Variants in ADARB2 observed in about 807,000 individuals in gnomAD.
The protein encoded by ADARB2 is inactive double-stranded RNA-specific editase B2.
A neutral mutation model predicts 62.2 loss-of-function variants in ADARB2; 25 were observed. That is an observed-to-expected ratio of 0.40 (90% CI 0.29 to 0.56). The LOEUF is 0.56. Ranked by LOEUF, ADARB2 falls within the 20% of genes least tolerant of loss-of-function variation. The pLI, the probability that ADARB2 is intolerant of heterozygous loss-of-function variation, is 0.43. For missense variants in ADARB2, 1,071 were observed against 1,077.4 expected (o/e 0.99, Z 0.08); for synonymous variants, 572 against 500.8 (o/e 1.14, Z -1.90).
rs372446925 is a variant in ADARB2 at position 1,563,858 on chromosome 10, C to T, written c.100+173193G>A. The stretch of plus-strand genomic sequence containing the variant: ...ATGTGTTCTCATTGTTCAATTCCTA[C>T]CTATGAGTGAGAATATGCGGTGTTT... On this transcript the variant is annotated intron_variant, in intron 1 of 9. Coordinates refer to ENST00000381312, the MANE Select transcript of ADARB2 (RefSeq NM_018702.4). Among the ~76,000 whole-genome samples, 9 of 145,362 alleles carry T rather than the reference C, an allele frequency of 6.2e-5. No homozygotes were observed. The East Asian group carries it at 1.4e-3, about 23-fold the overall frequency.
intron 1 of ADARB2, among the ~76,000 whole-genome samples, chr10:1,581,825 GATGT>G (rs1169167078): frequency 4.2e-5 from 2 of 47,952 alleles, no homozygotes; most frequent in East Asian, 1.1e-3. Flanking sequence ...CTTAGAAATA[GATGT>G]GTGTGTGTGT....
rs951209059 is a variant in ADARB2, at chr10:1,556,791, C to T, written c.101-177631G>A. 4 of 534,444 alleles carry T rather than the reference C, an allele frequency of 7.5e-6. No homozygotes were observed. In the African/African-American group the frequency reaches 7.7e-5, roughly 10 times the overall value. 33.1% of individuals were successfully genotyped at this position (534,444 alleles called of 1,614,324 possible). On this transcript the variant is annotated intron_variant, in intron 1 of 9. Transcript: ENST00000381312. ...CCCCAGATCTTCCTGCCCCTGACCACAGCTCTGTCCCTGGAAGCATATGCT... is the reference window on the plus strand; with the variant it reads ...CCCCAGATCTTCCTGCCCCTGACCATAGCTCTGTCCCTGGAAGCATATGCT...
intron 1 of ADARB2, among the ~76,000 whole-genome samples, chr10:1,655,579 T>C (rs1834163577): frequency 6.6e-6 from 1 of 152,248 alleles, no homozygotes; most frequent in African/African-American, 2.4e-5. Context: ...TGGCACCTTC[T>C]GCATTTTCAA....
intron 1 of ADARB2, among the ~76,000 whole-genome samples, chr10:1,640,058 A>C (rs1360290931): frequency 6.6e-6 from 1 of 152,154 alleles, no homozygotes; most frequent in East Asian, 1.9e-4. Context: ...TAAACACTGG[A>C]TGCCATCGAT....
chr10:1,384,718 A>G (rs1192171274), intron 1 of ADARB2, among the ~76,000 whole-genome samples: 1 of 152,328 alleles, frequency 6.6e-6, no homozygotes, highest in East Asian at 1.9e-4. Flanking sequence ...CAGCACTGAT[A>G]AGTTGAGAAG....
chr10:1,228,175 T>G (rs780076459), intron 6 of ADARB2, among the ~76,000 whole-genome samples: 1 of 152,210 alleles, frequency 6.6e-6, no homozygotes, highest in South Asian at 2.1e-4. Flanking sequence ...GCTCATAGCA[T>G]GTACTTGTAG....
In ADARB2 at chr10:1,255,924, G is replaced by GTGT. The variant is rs1831075765; in HGVS notation, c.1193-13628_1193-13626dup. On this transcript the variant is annotated intron_variant, in intron 4 of 9. Coordinates refer to ENST00000381312, the MANE Select transcript of ADARB2 (RefSeq NM_018702.4). This position sits in a 1 kb window ranked among gnomAD's most constrained non-coding sequence, Gnocchi z 4.7. ...CACATGTCAGCCCTGGGAGCTAACGGTGTTTACATGACAGTGGCACATCTG... is the reference window on the plus strand; with the variant it reads ...CACATGTCAGCCCTGGGAGCTAACGGTGTTGTTTACATGACAGTGGCACATCTG... 6.6e-6 allele frequency among the ~76,000 whole-genome samples: 1 copy of GTGT among 152,230 alleles called. No individual in the cohort carries two copies. The highest frequency in any genetic ancestry group is 1.5e-5 in the Non-Finnish European group (1 of 68,034).
chr10:1,545,602 G>C (rs1426513526), intron 1 of ADARB2, among the ~76,000 whole-genome samples: 2 of 152,192 alleles, frequency 1.3e-5, no homozygotes, highest in East Asian at 1.9e-4. Context: ...AGCCAGGAAG[G>C]GTCCTCGTGG....
At chr10:1,432,229 A>G (rs1382803977) in intron 1 of ADARB2, among the ~76,000 whole-genome samples, 3 of 152,158 alleles carry the variant, frequency 2.0e-5, no homozygotes, top group East Asian at 1.9e-4. Context: ...ATATCTTTGA[A>G]TGATAGAAAC....
intron 1 of ADARB2, among the ~76,000 whole-genome samples, chr10:1,679,191 T>C (rs1834505896): frequency 1.3e-5 from 2 of 152,120 alleles, no homozygotes; most frequent in Non-Finnish European, 2.9e-5. Context: ...GGAGCTGCCC[T>C]CTCCTTCATC....
rs756048728 is a variant in ADARB2 at position 1,737,145 on chromosome 10, G to C, written c.6C>G (p.Ala2=). The change falls in exon 1 of 10, where the codon GCC becomes GCG. Residue 2 remains alanine (A), a synonymous_variant. Transcript: ENST00000381312. M[A]SVLGSGRGSG... ...ACCCTCTGCCGCTCCCCAGGACCGA[G>C]GCCATGGCCGAGACCCAGGCGCGGA... 2.6e-5 allele frequency: 41 copies of C among 1,607,562 alleles called. No homozygotes were observed. The highest frequency in any genetic ancestry group is 3.3e-5 in the Non-Finnish European group (39 of 1,179,882).
In ADARB2 at chr10:1,377,483, G is replaced by A. The variant is rs140961065; in HGVS notation, c.187+1591C>T. ...GTGTGTGCTCCTGGGGTGTGTGTGC[G>A]CATGTGTGTGTGCGCTCCTGGGGTG... On this transcript the variant is annotated intron_variant, in intron 2 of 9. Transcript: ENST00000381312. Among the ~76,000 whole-genome samples the A allele has an allele frequency of 8.2e-3, 1,062 of 130,260 alleles. 6 individuals are homozygous for A. The highest frequency in any genetic ancestry group is 0.028 in the African/African-American group (968 of 34,430). The allele number at this position is 130,260 out of a possible 152,430, so 85.5% of individuals were successfully genotyped here. A position where few individuals can be genotyped will look rare whatever the true frequency, so the allele number is the denominator to read the frequency against.
chr10:1,242,625 G>T (rs991219581), intron 4 of ADARB2, among the ~76,000 whole-genome samples: 45 of 152,298 alleles, frequency 3.0e-4, no homozygotes, highest in African/African-American at 1.1e-3. Flanking sequence ...TTCTCCACCT[G>T]AGTCCCAGGT....
chr10:1,362,923 C>G, intron 3 of ADARB2, 105 bp downstream of exon 3: 1 of 1,111,578 alleles, frequency 9.0e-7, no homozygotes, highest in East Asian at 3.3e-5. Context: ...CACGCGGCCT[C>G]TCCTTCTCCG....
At chr10:1,286,402 A>G (rs1255912870) in intron 3 of ADARB2, among the ~76,000 whole-genome samples, 1 of 152,234 alleles carries the variant, frequency 6.6e-6, no homozygotes, top group African/African-American at 2.4e-5. Context: ...GACAATTACA[A>G]TAAAGCTTCA....
At chr10:1,547,991 C>T (rs1385379029) in intron 1 of ADARB2, among the ~76,000 whole-genome samples, 1 of 151,974 alleles carries the variant, frequency 6.6e-6, no homozygotes, top group East Asian at 1.9e-4. Flanking sequence ...CTTGCTTGAC[C>T]ATATAGTTTA....
intron 1 of ADARB2, among the ~76,000 whole-genome samples, chr10:1,644,769 G>A (rs925833078): frequency 2.6e-5 from 4 of 152,214 alleles, no homozygotes; most frequent in African/African-American, 9.6e-5. Flanking sequence ...TTTTCTGACC[G>A]AATGAGAGAT....
At chr10:1,496,988 C>T (rs1019375354) in intron 1 of ADARB2, among the ~76,000 whole-genome samples, 2 of 152,116 alleles carry the variant, frequency 1.3e-5, no homozygotes, top group African/African-American at 4.8e-5. Flanking sequence ...GTGGTAAGGA[C>T]CTGGAATGCA....
At chr10:1,538,652 C>T (rs376415964) in intron 1 of ADARB2, among the ~76,000 whole-genome samples, 10 of 152,268 alleles carry the variant, frequency 6.6e-5, no homozygotes, top group Middle Eastern at 3.4e-3. Flanking sequence ...TGCCCATGGA[C>T]GTGGCCTGGG....
Sources: gnomAD v4.1 joint callset for allele counts (sites outside exome capture counted in the v4.1 genomes callset) on GRCh38, gnomAD v4.1.1 for gene constraint, Gnocchi (gnomAD v3.1) non-coding constraint, MANE v1.5 for transcripts, NCBI Gene and HGNC (gene_info 2026-07-23, HGNC 2026-07-21) for gene names.